FAF1: variants seen among roughly 807,000 people sequenced by gnomAD.
FAF1 encodes FAS-associated factor 1.
In FAF1, 25 loss-of-function variants were observed where a neutral mutation model predicts 92.5. That is an observed-to-expected ratio of 0.27 (90% confidence interval 0.20 to 0.38). The LOEUF (loss-of-function observed/expected upper bound fraction) is 0.38. Ranked by LOEUF, FAF1 falls within the 10% of genes least tolerant of loss-of-function variation. The probability of loss-of-function intolerance (pLI) is 1.00; values close to 1 mark genes in which losing one functional copy is unlikely to be tolerated. For synonymous variants in FAF1, 234 were observed against 273.2 expected (o/e 0.86, Z 1.42); for missense variants, 636 against 793.3 (o/e 0.80, Z 2.38).
Position 50,437,298 on chromosome 1 carries a change from T to G in FAF1, c.*4142A>C, listed in dbSNP as rs545741556. ...CAAATAGGATGACGTAAATGGTGAT[T>G]CTTAAAATTTTTTGATCAATAGGTC... On this transcript the variant is annotated 3_prime_UTR_variant, in exon 19 of 19. Coordinates refer to ENST00000396153, the MANE Select transcript of FAF1 (RefSeq NM_007051.3). 2 of 152,304 alleles carry G rather than the reference T, an allele frequency of 1.3e-5. No homozygotes were observed. The highest frequency in any genetic ancestry group is 1.9e-4 in the East Asian group (1 of 5,184). 9.4% of individuals were successfully genotyped at this position (152,304 alleles called of 1,614,324 possible). A position where few individuals can be genotyped will look rare whatever the true frequency, so the allele number is the denominator to read the frequency against.
chr1:50,925,093 G>A (rs1644994811), intron 1 of FAF1, among the ~76,000 whole-genome samples: 1 of 152,158 alleles, frequency 6.6e-6, no homozygotes, highest in Non-Finnish European at 1.5e-5. Context: ...CTCAGCAAAA[G>A]TGCTAAGAAT....
At chr1:50,807,527 C>T (rs1314035304) in intron 2 of FAF1, among the ~76,000 whole-genome samples, 1 of 152,100 alleles carries the variant, frequency 6.6e-6, no homozygotes, top group East Asian at 1.9e-4. Context: ...GTAAATCCAC[C>T]CCCATGGTCC....
intron 1 of FAF1, among the ~76,000 whole-genome samples, chr1:50,943,319 A>G (rs1222355687): frequency 2.0e-5 from 3 of 152,208 alleles, no homozygotes; most frequent in Non-Finnish European, 4.4e-5. Context: ...CCACACCCAA[A>G]TAAGATAATG....
intron 8 of FAF1, among the ~76,000 whole-genome samples, chr1:50,650,460 A>G (rs1485027769): frequency 6.6e-6 from 1 of 151,378 alleles, no homozygotes; most frequent in African/African-American, 2.4e-5. Flanking sequence ...TCTCTACTAA[A>G]AATACAAAAA....
chr1:50,809,464 A>G (rs1357097774), intron 2 of FAF1, among the ~76,000 whole-genome samples: 1 of 152,162 alleles, frequency 6.6e-6, no homozygotes, highest in Non-Finnish European at 1.5e-5. Flanking sequence ...TACAAAGAAC[A>G]CTCAGAGACT....
chr1:50,517,264 T>C (rs948191979), intron 15 of FAF1, among the ~76,000 whole-genome samples: 1 of 152,130 alleles, frequency 6.6e-6, no homozygotes, highest in Non-Finnish European at 1.5e-5. Flanking sequence ...AACTATTTAA[T>C]TTGAATTAAG....
intron 7 of FAF1, among the ~76,000 whole-genome samples, chr1:50,705,542 A>G (rs557115008): frequency 6.6e-6 from 1 of 152,348 alleles, no homozygotes; most frequent in Admixed American, 6.5e-5. Context: ...ATAATCAGTT[A>G]TTTTTAAGCA....
At chr1:50,874,411 G>T (rs1327912979) in intron 1 of FAF1, among the ~76,000 whole-genome samples, 1 of 152,030 alleles carries the variant, frequency 6.6e-6, no homozygotes, top group Non-Finnish European at 1.5e-5. Context: ...ACCTAGCCTA[G>T]AGTATAGTAG....
intron 2 of FAF1, among the ~76,000 whole-genome samples, chr1:50,819,726 T>C (rs11576958): frequency 2.6e-4 from 3 of 11,732 alleles, no homozygotes; most frequent in Admixed American, 1.4e-3. Context: ...CGTATATATA[T>C]ATACATATAT....
At chr1:50,922,023 G>A (rs964463519) in intron 1 of FAF1, among the ~76,000 whole-genome samples, 18 of 151,366 alleles carry the variant, frequency 1.2e-4, no homozygotes, top group Non-Finnish European at 1.9e-4. Context: ...AAAATTAGCC[G>A]GGCATGGTGG....
intron 8 of FAF1, among the ~76,000 whole-genome samples, chr1:50,635,786 A>C (rs1318462834): frequency 6.6e-6 from 1 of 152,164 alleles, no homozygotes; most frequent in African/African-American, 2.4e-5. Flanking sequence ...GGCCTTTGCC[A>C]TTGGTTTCTT....
chr1:50,871,783 A>G (rs919144782), intron 1 of FAF1, among the ~76,000 whole-genome samples: 2 of 152,214 alleles, frequency 1.3e-5, no homozygotes, highest in African/African-American at 2.4e-5. Context: ...TCTGTAGCTC[A>G]TGGGTCAAGG....
At chr1:50,846,574 G>A (rs1008014751) in intron 2 of FAF1, 1 of 528,818 alleles carries the variant, frequency 1.9e-6, no homozygotes, top group Non-Finnish European at 3.8e-6. Flanking sequence ...GAGCAATAGT[G>A]AGGAACTTGG....
At chr1:50,558,124 C>T (rs1211567607) in intron 13 of FAF1, among the ~76,000 whole-genome samples, 2 of 151,994 alleles carry the variant, frequency 1.3e-5, no homozygotes, top group Non-Finnish European at 2.9e-5. Context: ...GTCTTGAACT[C>T]CTTGCCTTAA....
intron 1 of FAF1, among the ~76,000 whole-genome samples, chr1:50,946,551 C>T (rs1425343404): frequency 6.6e-6 from 1 of 152,186 alleles, no homozygotes; most frequent in Non-Finnish European, 1.5e-5. Context: ...CAGAATGTCA[C>T]GTGTCTGTCA....
chr1:50,837,724 T>C (rs908479283), intron 2 of FAF1, among the ~76,000 whole-genome samples: 2 of 150,636 alleles, frequency 1.3e-5, no homozygotes, highest in Non-Finnish European at 3.0e-5. Flanking sequence ...TAGTAAAAGA[T>C]AGGGTTGGGA....
intron 6 of FAF1, among the ~76,000 whole-genome samples, chr1:50,729,058 A>ATATATATTTTT (rs1375923156): frequency 1.4e-5 from 1 of 70,130 alleles, no homozygotes; most frequent in African/African-American, 5.9e-5. Context: ...ATATATATAT[A>ATATATATTTTT]TTTTTTTTTT....
intron 7 of FAF1, among the ~76,000 whole-genome samples, chr1:50,695,843 T>G (rs1569785327): frequency 6.6e-6 from 1 of 152,140 alleles, no homozygotes; most frequent in African/African-American, 2.4e-5. Context: ...GAGACAGGGT[T>G]TTGCCATGTT....
At chr1:50,817,239 C>A (rs1252874467) in intron 2 of FAF1, among the ~76,000 whole-genome samples, 2 of 152,056 alleles carry the variant, frequency 1.3e-5, no homozygotes, top group African/African-American at 4.8e-5. Context: ...ATGGAAGCAA[C>A]CCAAGTGTCA....
Sources: allele counts gnomAD v4.1 joint callset (sites outside exome capture counted in the v4.1 genomes callset), GRCh38; gene constraint gnomAD v4.1.1; transcripts MANE v1.5; gene names NCBI Gene and HGNC (gene_info 2026-07-23, HGNC 2026-07-21).